CSTPP1: variants seen among roughly 807,000 people sequenced by gnomAD.
CSTPP1 encodes UPF0705 protein C11orf49.
the CSTPP1 span, among the ~76,000 whole-genome samples, chr11:47,007,011 T>C: frequency 2.1e-5 from 3 of 139,952 alleles, no homozygotes; most frequent in Non-Finnish European, 3.1e-5. Context: ...GTTTTTTTTT[T>C]TTTTTTTTTT....
the CSTPP1 span, among the ~76,000 whole-genome samples, chr11:46,983,836 G>C: frequency 6.6e-6 from 1 of 152,176 alleles, no homozygotes; most frequent in Non-Finnish European, 1.5e-5. Context: ...GGAGAGCTTC[G>C]CACTTGGCTG....
At chr11:47,129,917 T>C in the CSTPP1 span, among the ~76,000 whole-genome samples, 1 of 152,218 alleles carries the variant, frequency 6.6e-6, no homozygotes, top group African/African-American at 2.4e-5. Flanking sequence ...AGAAATAGAC[T>C]AAATACATTT....
At chr11:47,007,154 T>C in the CSTPP1 span, among the ~76,000 whole-genome samples, 1 of 151,882 alleles carries the variant, frequency 6.6e-6, no homozygotes, top group Admixed American at 6.6e-5. Flanking sequence ...TGCCTCAGCC[T>C]CCTGAGTAGC....
At chr11:46,951,070 G>A in the CSTPP1 span, among the ~76,000 whole-genome samples, 4 of 152,134 alleles carry the variant, frequency 2.6e-5, no homozygotes, top group Admixed American at 2.6e-4. Context: ...AGGAAACTGG[G>A]ATTTAAGTTA....
chr11:46,961,922 A>T, the CSTPP1 span, among the ~76,000 whole-genome samples: 1 of 152,224 alleles, frequency 6.6e-6, no homozygotes, highest in South Asian at 2.1e-4. Context: ...GGTTTAATTG[A>T]TTCACAGTTC....
At chr11:46,945,686 TC>T in the CSTPP1 span, among the ~76,000 whole-genome samples, 3 of 152,152 alleles carry the variant, frequency 2.0e-5, no homozygotes, top group South Asian at 6.2e-4. Context: ...TTCCTTTTCC[TC>T]CCCCTACCCT....
the CSTPP1 span, among the ~76,000 whole-genome samples, chr11:47,006,337 A>G: frequency 3.9e-5 from 6 of 152,068 alleles, no homozygotes; most frequent in Admixed American, 3.3e-4. Context: ...AGTTGCTCTC[A>G]GTTTTATTCT....
At chr11:47,056,540 C>A in the CSTPP1 span, among the ~76,000 whole-genome samples, 1 of 152,180 alleles carries the variant, frequency 6.6e-6, no homozygotes, top group South Asian at 2.1e-4. Flanking sequence ...CCCCCAGTTT[C>A]TCCTTGTGCC....
the CSTPP1 span, among the ~76,000 whole-genome samples, chr11:47,050,735 A>G: frequency 1.3e-5 from 2 of 152,210 alleles, no homozygotes; most frequent in Non-Finnish European, 2.9e-5. Flanking sequence ...GCATTTACCT[A>G]TAACAGCTCA....
At chr11:47,024,359 C>T in the CSTPP1 span, among the ~76,000 whole-genome samples, 1 of 152,020 alleles carries the variant, frequency 6.6e-6, no homozygotes, top group Non-Finnish European at 1.5e-5. Flanking sequence ...AGCCACTTCA[C>T]CCAATCTTCT....
At chr11:46,971,256 G>A in the CSTPP1 span, among the ~76,000 whole-genome samples, 3 of 152,128 alleles carry the variant, frequency 2.0e-5, no homozygotes, top group Non-Finnish European at 4.4e-5. Context: ...AAAGGAGAAA[G>A]GTAAGTTAAC....
the CSTPP1 span, chr11:47,157,980 G>A: frequency 1.9e-5 from 29 of 1,500,362 alleles, no homozygotes; most frequent in Non-Finnish European, 2.5e-5. Context: ...GGGAGCAGCT[G>A]GCCTCTGTTA....
the CSTPP1 span, among the ~76,000 whole-genome samples, chr11:47,084,367 T>A: frequency 1.3e-5 from 2 of 152,174 alleles, no homozygotes; most frequent in African/African-American, 4.8e-5. Flanking sequence ...ATTTCCTTAG[T>A]GATGTCTTTT....
chr11:47,032,986 TAGAGA>T, the CSTPP1 span, among the ~76,000 whole-genome samples: 1 of 152,154 alleles, frequency 6.6e-6, no homozygotes, highest in African/African-American at 2.4e-5. Flanking sequence ...CAAAGTAAGC[TAGAGA>T]AAAGAAAATG....
At chr11:47,105,511 A>T in the CSTPP1 span, among the ~76,000 whole-genome samples, 209 of 151,744 alleles carry the variant, frequency 1.4e-3, no homozygotes, top group Non-Finnish European at 2.0e-3. Context: ...TGAAAAAAAA[A>T]TTTTTTTTTA....
chr11:47,025,569 G>A, the CSTPP1 span, among the ~76,000 whole-genome samples: 1,065 of 152,178 alleles, frequency 7.0e-3, 8 homozygotes, highest in Middle Eastern at 0.027. Flanking sequence ...ATACTTGCTG[G>A]ACTTTGAACC....
chr11:46,955,347 G>GT, the CSTPP1 span, among the ~76,000 whole-genome samples: 164 of 143,254 alleles, frequency 1.1e-3, 1 homozygote, highest in African/African-American at 3.1e-3. Flanking sequence ...CAGTAGTGTG[G>GT]TTTTTTTTTT....
chr11:47,164,002 C>T, the CSTPP1 span: 2 of 1,429,764 alleles, frequency 1.4e-6, no homozygotes, highest in African/African-American at 2.9e-5. Flanking sequence ...ACTGCCGTGA[C>T]AAGGGGCAGG....
At chr11:47,028,170 G>A in the CSTPP1 span, among the ~76,000 whole-genome samples, 1 of 152,036 alleles carries the variant, frequency 6.6e-6, no homozygotes, top group Non-Finnish European at 1.5e-5. Flanking sequence ...TGATCCGCCC[G>A]CCTCGGCCTC....
Sources: gnomAD v4.1 joint callset for allele counts (sites outside exome capture counted in the v4.1 genomes callset) on GRCh38, gnomAD v4.1.1 for gene constraint, MANE v1.5 for transcripts, NCBI Gene and HGNC (gene_info 2026-07-23, HGNC 2026-07-21) for gene names.